Variants in ILDR2 observed in about 807,000 individuals in gnomAD.
ILDR2 encodes the protein immunoglobulin-like domain-containing receptor 2.
ILDR2 carries 25 observed loss-of-function variants against 66.8 expected under a neutral mutation model. That is an observed-to-expected ratio of 0.37 (90% CI 0.27 to 0.52). The LOEUF (loss-of-function observed/expected upper bound fraction) is 0.52. ILDR2 is among the 20% of genes least tolerant of loss of function. The probability of loss-of-function intolerance (pLI) is 0.88; values close to 1 mark genes in which losing one functional copy is unlikely to be tolerated. For synonymous variants in ILDR2, 367 were observed against 357.2 expected (o/e 1.03, Z -0.31); for missense variants, 827 against 876.8 (o/e 0.94, Z 0.72).
chr1:166,946,631 C>A (rs1571165145), intron 3 of ILDR2, among the ~76,000 whole-genome samples: 1 of 152,132 alleles, frequency 6.6e-6, no homozygotes, highest in Admixed American at 6.5e-5. Context: ...TTTCAGGGAT[C>A]TGAGGCTCTG....
chr1:166,959,563 C>T (rs1458803572), intron 1 of ILDR2, among the ~76,000 whole-genome samples: 1 of 151,878 alleles, frequency 6.6e-6, no homozygotes, highest in East Asian at 1.9e-4. Context: ...GAAGGATAAT[C>T]AAAAGAAGGA....
At chr1:166,923,551 G>A (rs1489988896) in intron 7 of ILDR2, among the ~76,000 whole-genome samples, 2 of 152,206 alleles carry the variant, frequency 1.3e-5, no homozygotes, top group Non-Finnish European at 2.9e-5. Flanking sequence ...GTCCATGAGT[G>A]GCTAGGCCAG....
At chr1:166,919,529 C>CTG in intron 9 of ILDR2, 139 bp from the exon 10 acceptor site, 1 of 681,806 alleles carries the variant, frequency 1.5e-6, no homozygotes, top group Non-Finnish European at 2.4e-6. Flanking sequence ...TTCATTAGAC[C>CTG]TGTGATGGTT....
At chr1:166,969,135 A>G (rs1192495441) in intron 1 of ILDR2, among the ~76,000 whole-genome samples, 1 of 152,176 alleles carries the variant, frequency 6.6e-6, no homozygotes, top group Non-Finnish European at 1.5e-5. Context: ...ACAACAAAAA[A>G]AGACAAAATC....
At chr1:166,930,844 G>A (rs1321757379) in intron 6 of ILDR2, among the ~76,000 whole-genome samples, 1 of 152,194 alleles carries the variant, frequency 6.6e-6, no homozygotes, top group African/African-American at 2.4e-5. Context: ...ATAGCATGGT[G>A]TCAGATTGAT....
At chr1:166,964,951 T>C (rs1170564235) in intron 1 of ILDR2, among the ~76,000 whole-genome samples, 1 of 152,216 alleles carries the variant, frequency 6.6e-6, no homozygotes, top group African/African-American at 2.4e-5. Context: ...CCAGCATCTT[T>C]GGGAGGCAGA....
downstream of ILDR2, chr1:166,907,047 A>C (rs1659363768): frequency 6.6e-6 from 1 of 152,228 alleles, no homozygotes; most frequent in Non-Finnish European, 1.5e-5. Flanking sequence ...CCCTTTCACC[A>C]CTTACAATTC....
chr1:166,921,365 T>C lies in ILDR2; in HGVS notation c.1226A>G (p.Lys409Arg), dbSNP rs544332679. ...GTTCTTCCGCGACAGCATCTCCGAC[T>C]TGGAGCGCGGCTGGCTGCGGGCAGA... ...ESFRHSQPRS[K>R]SEMLSRKNFA... The change falls in exon 9 of 10, where the codon AAG (lysine) becomes AGG (arginine). Residue 409 changes from lysine to arginine, a missense_variant. By Grantham distance (26) the Lys-to-Arg change is conservative. This residue lies in a region of ILDR2 where 437 missense variants were observed against 523.2 expected (regional missense o/e 0.84). Transcript: ENST00000271417. This position sits in a 1 kb window ranked among gnomAD's most constrained non-coding sequence, Gnocchi z 5.3. The C allele has an allele frequency of 8.3e-6, 13 of 1,571,220 alleles. No homozygotes were observed. The Admixed American group carries it at 1.9e-4, about 23-fold the overall frequency.
At position 166,936,553 on chromosome 1, in the gene ILDR2, C is replaced by A; in HGVS notation, c.703+38G>T. 1 of 1,613,582 alleles carries A rather than the reference C, an allele frequency of 6.2e-7. No individual in the cohort carries two copies. The highest frequency in any genetic ancestry group is 8.5e-7 in the Non-Finnish European group (1 of 1,179,752). On this transcript the variant is annotated intron_variant, in intron 5 of 9. Transcript: ENST00000271417. The surrounding 1 kb of genome is among the most constrained non-coding windows in gnomAD (Gnocchi z 5.0). ...GTCAGGTAGAGAGGTAGACATTTCT[C>A]TCGATCGCTCTGTCTCCCCAGCGGT...
In ILDR2 at chr1:166,921,224, C is replaced by G; in HGVS notation, c.1367G>C (p.Arg456Pro). Residue 456 changes from arginine to proline, a missense_variant, in exon 9 of 10, where the codon CGC (arginine) becomes CCC (proline). Physicochemically the swap from Arg to Pro is moderately radical, Grantham distance 103 (BLOSUM62 -2). This residue lies in a region of ILDR2 where 390 missense variants were observed against 353.6 expected (regional missense o/e 1.10). Transcript: ENST00000271417. This position sits in a 1 kb window ranked among gnomAD's most constrained non-coding sequence, Gnocchi z 5.3. Reference protein sequence around the residue: ...GNSHEARGGSRFERSESRAHS... With the variant: ...GNSHEARGGSPFERSESRAHS... Reference sequence around the variant, plus strand: ...CGCCCGCGACTCCGAGCGCTCGAAGCGGCTCCCGCCCCGCGCCTCGTGACT... The same window carrying G: ...CGCCCGCGACTCCGAGCGCTCGAAGGGGCTCCCGCCCCGCGCCTCGTGACT... The G allele has an allele frequency of 6.3e-7, 1 of 1,591,904 alleles. No individual in the cohort carries two copies. Among genetic ancestry groups the G allele is most frequent in the South Asian group, 1.1e-5 (1 of 89,596 alleles).
At chr1:166,929,297 C>T (rs1199688999) in intron 6 of ILDR2, among the ~76,000 whole-genome samples, 2 of 152,238 alleles carry the variant, frequency 1.3e-5, no homozygotes, top group Non-Finnish European at 2.9e-5. Context: ...AATGCTGCCT[C>T]AGCCAAAGGG....
rs111999680 is a variant in ILDR2, at chr1:166,900,668, G to C, written n.172-4567C>G. On this transcript the variant is annotated intron_variant and non_coding_transcript_variant, in intron 2 of 2. Coordinates refer to the ILDR2 transcript ENST00000414590. Reference sequence around the variant, plus strand: ...GCAAAGACGGGATTTGAATTCAGGAGGTCTGACTCTGGGACTTGGACATTT... The same window carrying C: ...GCAAAGACGGGATTTGAATTCAGGACGTCTGACTCTGGGACTTGGACATTT... Among the ~76,000 whole-genome samples the C allele has an allele frequency of 8.6e-4, 131 of 152,268 alleles. 1 individual carries two copies. Among genetic ancestry groups the C allele is most frequent in the African/African-American group, 3.0e-3 (126 of 41,564 alleles).
In ILDR2 at chr1:166,921,047, C is replaced by A; in HGVS notation, c.1544G>T (p.Ser515Ile). Reference sequence around the variant, plus strand: ...TTTGGGTGCGGTGCCTGGCGTGCGGCTCACCAGCCGCGGCAGGTGCGCGTC... The same window carrying A: ...TTTGGGTGCGGTGCCTGGCGTGCGGATCACCAGCCGCGGCAGGTGCGCGTC... The part of the protein sequence containing the change: ...AEDAHLPRLV[S>I]RTPGTAPKYD... Residue 515 changes from serine to isoleucine, a missense_variant, in exon 9 of 10, where the codon AGC becomes ATC. Transcript: ENST00000271417. This position sits in a 1 kb window ranked among gnomAD's most constrained non-coding sequence, Gnocchi z 5.3. 1 of 1,502,398 alleles carries A rather than the reference C, an allele frequency of 6.7e-7. No homozygotes were observed. Among genetic ancestry groups the A allele is most frequent in the South Asian group, 1.3e-5 (1 of 79,538 alleles). 93.1% of individuals were successfully genotyped at this position (1,502,398 alleles called of 1,614,324 possible). A position where few individuals can be genotyped will look rare whatever the true frequency, so the allele number is the denominator to read the frequency against.
downstream of ILDR2, among the ~76,000 whole-genome samples, chr1:166,903,501 G>T (rs1196298644): frequency 6.6e-6 from 1 of 152,214 alleles, no homozygotes; most frequent in African/African-American, 2.4e-5. Flanking sequence ...TTGCTCTGGT[G>T]ATAACTCTAG....
chr1:166,963,556 A>G (rs1662750051), intron 1 of ILDR2, among the ~76,000 whole-genome samples: 1 of 152,098 alleles, frequency 6.6e-6, no homozygotes, highest in Non-Finnish European at 1.5e-5. Flanking sequence ...CCTACTTCCA[A>G]CCCAATCCAC....
At chr1:166,924,295 C>T (rs537383345) in intron 7 of ILDR2, among the ~76,000 whole-genome samples, 1 of 152,268 alleles carries the variant, frequency 6.6e-6, no homozygotes, top group South Asian at 2.1e-4. Context: ...ATTCCAGTAT[C>T]CCAGGGATCA....
rs1659593170 is a variant in ILDR2 at position 166,915,131 on chromosome 1, C to G, written c.*4224G>C. 6.6e-6 allele frequency: 1 copy of G among 152,164 alleles called. No homozygotes were observed. Among genetic ancestry groups the G allele is most frequent in the Non-Finnish European group, 1.5e-5 (1 of 68,028 alleles). The allele number at this position is 152,164 out of a possible 1,614,324, so 9.4% of individuals were successfully genotyped here. A position where few individuals can be genotyped will look rare whatever the true frequency, so the allele number is the denominator to read the frequency against. ...GAGACTGTCACAATAGATCACTGTT[C>G]TGGGAATGGAAATATCTACAACAGC... On this transcript the variant is annotated 3_prime_UTR_variant, in exon 10 of 10. Coordinates refer to ENST00000271417, the MANE Select transcript of ILDR2 (RefSeq NM_199351.3).
In ILDR2 at chr1:166,944,000, C is replaced by T. The variant is rs1013885835; in HGVS notation, c.500-4430G>A. The T allele has an allele frequency of 3.8e-5, 9 of 238,864 alleles. No homozygotes were observed. In the Admixed American group the frequency reaches 5.2e-4, roughly 14 times the overall value. The allele number at this position is 238,864 out of a possible 1,614,324, so 14.8% of individuals were successfully genotyped here. ...GAATCCATTACTTTTAAGAAATTTC[C>T]ACATGAATAGACCAAACGAATCAGG... On this transcript the variant is annotated intron_variant, in intron 3 of 9. Transcript: ENST00000271417.
chr1:166,966,501 TC>T (rs1662958547), intron 1 of ILDR2, among the ~76,000 whole-genome samples: 1 of 152,222 alleles, frequency 6.6e-6, no homozygotes, highest in African/African-American at 2.4e-5. Context: ...GGATTTTTGC[TC>T]ATGGCATAGT....
Sources: allele counts gnomAD v4.1 joint callset (sites outside exome capture counted in the v4.1 genomes callset), GRCh38; gene constraint gnomAD v4.1.1; regional missense constraint gnomAD v4.1.1; non-coding constraint Gnocchi (gnomAD v3.1); transcripts MANE v1.5; gene names NCBI Gene and HGNC (gene_info 2026-07-23, HGNC 2026-07-21).